SCN10A: variants seen among roughly 807,000 people sequenced by gnomAD.
SCN10A encodes the protein sodium voltage-gated channel alpha subunit 10, also known as sodium channel protein type 10 subunit alpha.
SCN10A carries 162 observed loss-of-function variants against 170.7 expected under a neutral mutation model. The ratio of observed to expected loss-of-function variants is 0.95; its 90% CI spans 0.84 to 1.08. The LOEUF (loss-of-function observed/expected upper bound fraction) is 1.08. Ranked by LOEUF, SCN10A falls within the 50% of genes least tolerant of loss-of-function variation. The pLI is 0.00. For synonymous variants in SCN10A, 985 were observed against 904.6 expected (o/e 1.09, Z -1.59); for missense variants, 2,527 against 2,436.9 (o/e 1.04, Z -0.78).
chr3:38,737,940 G>A (rs1023894261), intron 15 of SCN10A, among the ~76,000 whole-genome samples: 1 of 142,914 alleles, frequency 7.0e-6, no homozygotes, highest in Admixed American at 7.1e-5. Flanking sequence ...CTCTCTCTCT[G>A]TGTCTCCTTT....
intron 13 of SCN10A, 29 bp downstream of exon 13, chr3:38,750,044 G>A (rs760926092): frequency 3.3e-6 from 4 of 1,228,232 alleles, no homozygotes; most frequent in Non-Finnish European, 3.6e-6. Context: ...ATGACACAGT[G>A]GATGAACAAT....
At chr3:38,809,643 C>G (rs1432329511) in intron 1 of SCN10A, among the ~76,000 whole-genome samples, 1 of 152,156 alleles carries the variant, frequency 6.6e-6, no homozygotes, top group South Asian at 2.1e-4. Flanking sequence ...ACCCCATGTT[C>G]AGTCTTTGGG....
intron 15 of SCN10A, among the ~76,000 whole-genome samples, chr3:38,734,941 C>G (rs928859771): frequency 3.3e-5 from 5 of 152,048 alleles, no homozygotes; most frequent in Non-Finnish European, 7.4e-5. Context: ...GAGGCCAAGG[C>G]AGGCAGATCA....
intron 11 of SCN10A, 139 bp from the exon 12 acceptor site, chr3:38,752,651 C>A (rs1007839612): frequency 4.9e-6 from 3 of 610,058 alleles, no homozygotes; most frequent in South Asian, 3.4e-5. Flanking sequence ...AGGCACAAAT[C>A]TAAGGGGTAT....
At chr3:38,738,384 G>T (rs1365434822) in intron 15 of SCN10A, among the ~76,000 whole-genome samples, 1 of 152,126 alleles carries the variant, frequency 6.6e-6, no homozygotes, top group Non-Finnish European at 1.5e-5. Context: ...CTATGTCACT[G>T]CACATGGGCA....
chr3:38,697,174 G>T lies in SCN10A; in HGVS notation c.*175C>A. Reference sequence around the variant, plus strand: ...CTCTTAGCTTCTGACTCCTATTTGTGTATGATGGTTTTTTCAAAGGTGGTT... The same window carrying T: ...CTCTTAGCTTCTGACTCCTATTTGTTTATGATGGTTTTTTCAAAGGTGGTT... On this transcript the variant is annotated 3_prime_UTR_variant, in exon 28 of 28. Coordinates refer to ENST00000449082, the MANE Select transcript of SCN10A (RefSeq NM_006514.4). The T allele has an allele frequency of 1.1e-6, 1 of 941,554 alleles. No homozygotes were observed. 58.3% of individuals were successfully genotyped at this position (941,554 alleles called of 1,614,324 possible). A position where few individuals can be genotyped will look rare whatever the true frequency, so the allele number is the denominator to read the frequency against.
chr3:38,757,511 G>C lies in SCN10A; in HGVS notation c.951-352C>G, dbSNP rs971810965. On this transcript the variant is annotated intron_variant, in intron 8 of 27. Transcript: ENST00000449082. Reference sequence around the variant, plus strand: ...CCTGAGCCTGTTGGCATCATCTGCAGAGTTGTCTATCAAGGGAGGTCTCAC... The same window carrying C: ...CCTGAGCCTGTTGGCATCATCTGCACAGTTGTCTATCAAGGGAGGTCTCAC... 2.6e-5 allele frequency among the ~76,000 whole-genome samples: 4 copies of C among 152,236 alleles called. No individual in the cohort carries two copies. The South Asian group carries it at 6.2e-4, about 24-fold the overall frequency.
rs1167772082 is a variant in SCN10A at position 38,816,067 on chromosome 3, G to C, written c.-63C>G. ...CTGCTCAATCTTGCTTGTCTTCTAC[G>C]TAAGAAATATCTTCTCTTCTATCCC... On this transcript the variant is annotated 5_prime_UTR_variant, in exon 1 of 28. Coordinates refer to ENST00000449082, the MANE Select transcript of SCN10A (RefSeq NM_006514.4). The C allele has an allele frequency of 6.6e-6, 1 of 152,154 alleles. No homozygotes were observed. 9.4% of individuals were successfully genotyped at this position (152,154 alleles called of 1,614,324 possible).
intron 5 of SCN10A, among the ~76,000 whole-genome samples, chr3:38,766,932 T>C (rs2063939459): frequency 6.6e-6 from 1 of 152,152 alleles, no homozygotes; most frequent in Admixed American, 6.5e-5. Flanking sequence ...GTTTAGAGTT[T>C]CTATTACTTT....
intron 1 of SCN10A, among the ~76,000 whole-genome samples, chr3:38,813,829 C>G (rs1290265475): frequency 6.6e-6 from 1 of 152,204 alleles, no homozygotes; most frequent in Admixed American, 6.5e-5. Flanking sequence ...TTAATGCTGG[C>G]AGGCAAGGGA....
intron 2 of SCN10A, among the ~76,000 whole-genome samples, chr3:38,792,736 C>T (rs2064299101): frequency 7.7e-6 from 1 of 130,384 alleles, no homozygotes; most frequent in Non-Finnish European, 1.6e-5. Flanking sequence ...CTCCTAACTC[C>T]CAAACATGCA....
rs2063867085 is a variant in SCN10A, at chr3:38,761,261, G to C, written c.814C>G (p.Leu272Val). 2 of 1,613,874 alleles carry C rather than the reference G, an allele frequency of 1.2e-6. No individual in the cohort carries two copies. Among genetic ancestry groups the C allele is most frequent in the South Asian group, 2.2e-5 (2 of 91,022 alleles). The change falls in exon 7 of 28, where the codon CTC becomes GTC. Residue 272 changes from leucine (L) to valine (V), a missense_variant. By Grantham distance (32) the Leu-to-Val change is conservative. Coordinates refer to ENST00000449082, the MANE Select transcript of SCN10A (RefSeq NM_006514.4). ...TCATTCTTGACACATTTATTTTTGA[G>C]GTTGCCCTTGAAGAGTTGCAGCCCC... ...LVGLQLFKGN[L>V]KNKCVKNDMA...
At chr3:38,792,933 A>G (rs1222863207) in intron 2 of SCN10A, among the ~76,000 whole-genome samples, 1 of 152,090 alleles carries the variant, frequency 6.6e-6, no homozygotes, top group Non-Finnish European at 1.5e-5. Context: ...TGCCAGATAT[A>G]TGTATATCAT....
intron 4 of SCN10A, among the ~76,000 whole-genome samples, chr3:38,772,665 G>A (rs1318951104): frequency 1.3e-5 from 2 of 150,924 alleles, no homozygotes; most frequent in African/African-American, 4.9e-5. Flanking sequence ...CTCCAGTCTG[G>A]GTGACAGAGC....
rs2063396867 is a variant in SCN10A at position 38,722,191 on chromosome 3, A to T, written c.3507+67T>A. On this transcript the variant is annotated intron_variant, in intron 20 of 27. Transcript: ENST00000449082. ...CAGGAGAACCCACTGATGCAGCTCCAGGGCCTTTGGATTGTAGGAGATTCC... is the reference window on the plus strand; with the variant it reads ...CAGGAGAACCCACTGATGCAGCTCCTGGGCCTTTGGATTGTAGGAGATTCC... The T allele has an allele frequency of 3.0e-5, 45 of 1,490,046 alleles. No individual in the cohort carries two copies. In the South Asian group the frequency reaches 5.4e-4, roughly 18 times the overall value. The allele number at this position is 1,490,046 out of a possible 1,614,324, so 92.3% of individuals were successfully genotyped here.
intron 1 of SCN10A, among the ~76,000 whole-genome samples, chr3:38,795,799 G>A (rs974602532): frequency 6.6e-6 from 1 of 152,060 alleles, no homozygotes; most frequent in African/African-American, 2.4e-5. Flanking sequence ...AGATTCCACT[G>A]TATTTCAGAC....
chr3:38,705,002 G>T (rs2125984786), intron 26 of SCN10A, among the ~76,000 whole-genome samples: 1 of 152,362 alleles, frequency 6.6e-6, no homozygotes, highest in East Asian at 1.9e-4. Flanking sequence ...GAAGAGGGAA[G>T]ATGATCCGGC....
chr3:38,773,405 A>G (rs1397425274), intron 4 of SCN10A, among the ~76,000 whole-genome samples: 1 of 152,162 alleles, frequency 6.6e-6, no homozygotes, highest in African/African-American at 2.4e-5. Context: ...GAAGAAGAAA[A>G]AATCTCTAGA....
intron 13 of SCN10A, among the ~76,000 whole-genome samples, chr3:38,749,854 A>G (rs2063728898): frequency 6.6e-6 from 1 of 152,236 alleles, no homozygotes; most frequent in Non-Finnish European, 1.5e-5. Context: ...ATGAGCTAGG[A>G]TATTTTATTC....
Sources: gnomAD v4.1 joint callset for allele counts (sites outside exome capture counted in the v4.1 genomes callset) on GRCh38, gnomAD v4.1.1 for gene constraint, MANE v1.5 for transcripts, NCBI Gene and HGNC (gene_info 2026-07-23, HGNC 2026-07-21) for gene names.